Variants in DIAPH2 observed in about 807,000 individuals in gnomAD.
DIAPH2 encodes the protein protein diaphanous homolog 2.
DIAPH2 carries 35 observed loss-of-function variants against 92.7 expected under a neutral mutation model. The ratio of observed to expected loss-of-function variants is 0.38; its 90% CI spans 0.29 to 0.50. The LOEUF (loss-of-function observed/expected upper bound fraction) is 0.50. Ranked by LOEUF, DIAPH2 falls within the 20% of genes least tolerant of loss-of-function variation. The pLI is 0.94. For synonymous variants in DIAPH2, 301 were observed against 280.4 expected, an observed-to-expected ratio of 1.07 and a Z score of -0.73; for missense variants, 701 against 819.5, an observed-to-expected ratio of 0.86 and a Z score of 1.77.
intron 21 of DIAPH2, among the ~76,000 whole-genome samples, chrX:97,115,460 C>T (rs939760272): frequency 9.0e-6 from 1 of 110,752 alleles, no homozygotes; most frequent in African/African-American, 3.3e-5. Flanking sequence ...CGCTTGAACA[C>T]GGGAGGCGGG....
At chrX:97,027,811 G>T (rs1371740608) in intron 17 of DIAPH2, among the ~76,000 whole-genome samples, 3 of 112,060 alleles carry the variant, frequency 2.7e-5, no homozygotes, top group Non-Finnish European at 3.8e-5. Flanking sequence ...TTCCAATGAC[G>T]CCAAAAGAAA....
intron 17 of DIAPH2, among the ~76,000 whole-genome samples, chrX:97,041,017 T>C (rs191882328): frequency 5.7e-4 from 63 of 111,352 alleles, no homozygotes; most frequent in Admixed American, 4.5e-3. Flanking sequence ...CTTTGTGTTA[T>C]ACAGTTTTAT....
intron 26 of DIAPH2, chrX:97,469,647 T>C: frequency 8.7e-7 from 1 of 1,146,596 alleles, no homozygotes; most frequent in Non-Finnish European, 1.2e-6. Flanking sequence ...TGTTTTTTTA[T>C]TTATACATTT....
chrX:97,240,707 T>C (rs1443001801), intron 22 of DIAPH2, among the ~76,000 whole-genome samples: 1 of 110,982 alleles, frequency 9.0e-6, no homozygotes, highest in Non-Finnish European at 1.9e-5. Flanking sequence ...ATCTAAATAG[T>C]TGTTTAATTC....
rs1460697636 is a variant in DIAPH2, at chrX:96,873,645, T to TAC, written c.448-7933_448-7932insCA. Among the ~76,000 whole-genome samples the TAC allele has an allele frequency of 3.0e-3, 203 of 68,519 alleles. 1 individual carries two copies. The highest frequency in any genetic ancestry group is 0.014 in the Middle Eastern group (2 of 148). The allele number at this position is 68,519 out of a possible 115,157, so 59.5% of individuals were successfully genotyped here. The stretch of plus-strand genomic sequence containing the variant: ...AAAACTGCATAGAAATGCGTATATA[T>TAC]ATACACACACACACACACACACACA... On this transcript the variant is annotated intron_variant, in intron 4 of 26. Coordinates refer to ENST00000324765, the MANE Select transcript of DIAPH2 (RefSeq NM_006729.5).
chrX:97,261,555 TTTTTTTA>T (rs1398134614), intron 23 of DIAPH2, among the ~76,000 whole-genome samples: 1 of 111,586 alleles, frequency 9.0e-6, no homozygotes, highest in Non-Finnish European at 1.9e-5. Flanking sequence ...ATCAACTTTC[TTTTTTTA>T]TTTTTTATTT....
At chrX:97,139,467 A>G (rs1169715326) in intron 21 of DIAPH2, among the ~76,000 whole-genome samples, 1 of 108,316 alleles carries the variant, frequency 9.2e-6, no homozygotes, top group Non-Finnish European at 1.9e-5. Context: ...AAAAAAAACA[A>G]CAAATATTGC....
At chrX:97,099,017 G>A (rs1178650856) in intron 19 of DIAPH2, among the ~76,000 whole-genome samples, 3 of 112,073 alleles carry the variant, frequency 2.7e-5, no homozygotes, top group African/African-American at 6.5e-5. Context: ...TAATTTATAA[G>A]ATTGAAGATT....
chrX:97,200,951 TG>T (rs1387875731), intron 22 of DIAPH2, among the ~76,000 whole-genome samples: 15 of 111,306 alleles, frequency 1.3e-4, no homozygotes, highest in African/African-American at 4.9e-4. Context: ...GGTGCCCCTC[TG>T]GGATGAAAAT....
chrX:97,044,177 G>T (rs1434200230), intron 17 of DIAPH2, among the ~76,000 whole-genome samples: 1 of 110,684 alleles, frequency 9.0e-6, no homozygotes, highest in African/African-American at 3.3e-5. Flanking sequence ...TGTATAATAA[G>T]AAATTGTCAT....
At chrX:97,004,742 C>T (rs1437151103) in intron 17 of DIAPH2, among the ~76,000 whole-genome samples, 1 of 111,921 alleles carries the variant, frequency 8.9e-6, no homozygotes, top group African/African-American at 3.2e-5. Flanking sequence ...ATATTAACTG[C>T]AAATGAGGCT....
chrX:97,194,358 T>A (rs1186916300), intron 22 of DIAPH2, among the ~76,000 whole-genome samples: 37 of 106,803 alleles, frequency 3.5e-4, no homozygotes, highest in Non-Finnish European at 6.2e-4. Context: ...CTTGGCTCAC[T>A]GCACGCTCCG....
Position 97,421,799 on chromosome X carries a change from C to T in DIAPH2, c.3146-7851C>T, listed in dbSNP as rs1032872552. Among the ~76,000 whole-genome samples the T allele has an allele frequency of 2.7e-5, 3 of 111,102 alleles. No homozygotes were observed. In the South Asian group the frequency reaches 1.2e-3, roughly 43 times the overall value. ...AGATCAATCAGTGGGTTTTTAGAGT[C>T]CACTGAAGCACATTCAAGTTTCTTA... On this transcript the variant is annotated intron_variant, in intron 25 of 26. Transcript: ENST00000324765.
intron 15 of DIAPH2, among the ~76,000 whole-genome samples, chrX:96,954,496 T>C (rs1051579321): frequency 8.9e-6 from 1 of 112,154 alleles, no homozygotes; most frequent in Non-Finnish European, 1.9e-5. Flanking sequence ...AAATGTTATA[T>C]CCTCCTCATA....
At chrX:96,940,252 GAAAAT>G (rs1282785363) in intron 12 of DIAPH2, among the ~76,000 whole-genome samples, 2 of 111,849 alleles carry the variant, frequency 1.8e-5, no homozygotes, top group African/African-American at 6.5e-5. Context: ...TAACATCTAA[GAAAAT>G]AAAAGTGCTA....
At chrX:97,009,730 G>A (rs1318648265) in intron 17 of DIAPH2, among the ~76,000 whole-genome samples, 1 of 112,103 alleles carries the variant, frequency 8.9e-6, no homozygotes, top group Non-Finnish European at 1.9e-5. Flanking sequence ...ATGTCATCTG[G>A]TAGTTAGGGT....
chrX:97,475,461 G>A (rs779876692), intron 26 of DIAPH2, among the ~76,000 whole-genome samples: 1 of 111,986 alleles, frequency 8.9e-6, no homozygotes, highest in Admixed American at 9.5e-5. Flanking sequence ...TCAAAAGGTA[G>A]CTCTGTACCA....
At chrX:97,475,981 C>T (rs1222785243) in intron 26 of DIAPH2, among the ~76,000 whole-genome samples, 1 of 111,766 alleles carries the variant, frequency 8.9e-6, no homozygotes, top group Non-Finnish European at 1.9e-5. Context: ...TACCTATGTG[C>T]ATCATATTAT....
intron 1 of DIAPH2, among the ~76,000 whole-genome samples, chrX:96,718,332 C>CTTTTTTTTT (rs1569373693): frequency 5.9e-4 from 4 of 6,829 alleles, no homozygotes; most frequent in African/African-American, 2.6e-3. Flanking sequence ...ACCACATTTT[C>CTTTTTTTTT]TTTGTTTTTT....
Sources: allele counts gnomAD v4.1 joint callset (sites outside exome capture counted in the v4.1 genomes callset), GRCh38; gene constraint gnomAD v4.1.1; transcripts MANE v1.5; gene names NCBI Gene and HGNC (gene_info 2026-07-23, HGNC 2026-07-21).